Variants in MTCL2 observed in about 807,000 individuals in gnomAD.
MTCL2 encodes microtubule cross-linking factor 2.
the MTCL2 span, among the ~76,000 whole-genome samples, chr20:36,847,626 G>A: frequency 1.3e-5 from 2 of 152,202 alleles, no homozygotes; most frequent in Non-Finnish European, 1.5e-5. Flanking sequence ...GGCCAAAGAG[G>A]GAAGATCCCT....
chr20:36,786,645 G>GAGGGAGGC, the MTCL2 span: 12 of 1,547,386 alleles, frequency 7.8e-6, no homozygotes, highest in East Asian at 2.4e-4. Flanking sequence ...GTCCTAGGAA[G>GAGGGAGGC]AGGGAGGCAG....
the MTCL2 span, among the ~76,000 whole-genome samples, chr20:36,792,843 G>T: frequency 2.4e-3 from 316 of 130,260 alleles, 2 homozygotes; most frequent in African/African-American, 8.6e-3. Context: ...TATATAGATA[G>T]ATAGATAGAT....
the MTCL2 span, among the ~76,000 whole-genome samples, chr20:36,810,717 C>CCTCTCTCTCCCTCTCT: frequency 1.1e-5 from 1 of 94,194 alleles, no homozygotes; most frequent in Non-Finnish European, 2.1e-5. Flanking sequence ...TCTCTCTCTC[C>CCTCTCTCTCCCTCTCT]CTCTCTCTCT....
At chr20:36,784,362 C>T in the MTCL2 span, 1 of 985,778 alleles carries the variant, frequency 1.0e-6, no homozygotes, top group Non-Finnish European at 1.2e-6. Flanking sequence ...GTTCAGCCTG[C>T]AGGGAAGGGA....
the MTCL2 span, chr20:36,863,185 G>A: frequency 8.0e-7 from 1 of 1,257,454 alleles, no homozygotes; most frequent in Non-Finnish European, 1.0e-6. The surrounding 1 kb of genome is among the most constrained non-coding windows in gnomAD (Gnocchi z 6.2). Context: ...CCCGGGCCTG[G>A]GCCGCGGCGG....
At chr20:36,833,006 A>G in the MTCL2 span, among the ~76,000 whole-genome samples, 2 of 152,144 alleles carry the variant, frequency 1.3e-5, no homozygotes, top group Admixed American at 1.3e-4. Context: ...CCGGGTGCTC[A>G]CCACGTGCTT....
the MTCL2 span, among the ~76,000 whole-genome samples, chr20:36,857,277 ATG>A: frequency 6.6e-6 from 1 of 151,824 alleles, no homozygotes. Context: ...GTATATGAGA[ATG>A]TGTTTCTGAC....
the MTCL2 span, chr20:36,808,771 C>T: frequency 6.7e-5 from 103 of 1,545,382 alleles, no homozygotes; most frequent in Non-Finnish European, 8.4e-5. Context: ...CTTGAGCAAC[C>T]CCAGGGCCCT....
chr20:36,812,763 C>G, the MTCL2 span: 1 of 1,613,960 alleles, frequency 6.2e-7, no homozygotes, highest in Middle Eastern at 1.6e-4. Flanking sequence ...CGGCTGGGGT[C>G]GGGCTTAGAG....
chr20:36,862,928 C>G, the MTCL2 span: 1 of 1,364,598 alleles, frequency 7.3e-7, no homozygotes, highest in Non-Finnish European at 9.5e-7. Context: ...CGCTGCTCAG[C>G]GCCAGCTCCA....
chr20:36,846,989 G>A, the MTCL2 span, among the ~76,000 whole-genome samples: 2 of 152,208 alleles, frequency 1.3e-5, no homozygotes, highest in Non-Finnish European at 2.9e-5. Context: ...CAGCCTGGGC[G>A]ACAGAGACAG....
At chr20:36,842,774 A>G in the MTCL2 span, among the ~76,000 whole-genome samples, 1 of 152,084 alleles carries the variant, frequency 6.6e-6, no homozygotes, top group Non-Finnish European at 1.5e-5. Context: ...TCTGTCTCAC[A>G]AAATAAAAAA....
chr20:36,786,674 G>C, the MTCL2 span: 4 of 1,525,790 alleles, frequency 2.6e-6, no homozygotes, highest in East Asian at 9.8e-5. Context: ...GAAGTCAAGA[G>C]GAGCCAGGAG....
chr20:36,824,506 A>AG, the MTCL2 span, among the ~76,000 whole-genome samples: 1 of 151,866 alleles, frequency 6.6e-6, no homozygotes, highest in African/African-American at 2.4e-5. Flanking sequence ...CAAGAGGGAA[A>AG]GGGGGAGTGG....
the MTCL2 span, chr20:36,839,288 G>A: frequency 7.4e-6 from 12 of 1,611,886 alleles, no homozygotes; most frequent in Middle Eastern, 1.7e-4. This position sits in a 1 kb window ranked among gnomAD's most constrained non-coding sequence, Gnocchi z 5.1. Flanking sequence ...CGGAGACTGC[G>A]GCGCTCGGCT....
chr20:36,783,899 AC>A, the MTCL2 span: 4 of 985,360 alleles, frequency 4.1e-6, no homozygotes, highest in African/African-American at 7.0e-5. Context: ...AACATTTTCA[AC>A]CCCATCCAGC....
the MTCL2 span, chr20:36,783,849 G>A: frequency 2.0e-6 from 2 of 985,332 alleles, no homozygotes; most frequent in East Asian, 1.1e-4. Context: ...CAGTTACCAA[G>A]TAAAATGCTA....
the MTCL2 span, chr20:36,785,531 T>C: frequency 2.0e-6 from 2 of 985,304 alleles, no homozygotes; most frequent in Non-Finnish European, 2.4e-6. Flanking sequence ...CAAGAATCTC[T>C]TACTGGGAAT....
chr20:36,794,729 G>T, the MTCL2 span: 3 of 1,169,440 alleles, frequency 2.6e-6, no homozygotes, highest in African/African-American at 4.6e-5. The surrounding 1 kb of genome is among the most constrained non-coding windows in gnomAD (Gnocchi z 5.4). Context: ...CTCTTGTAGA[G>T]ATGTTGTTGG....
Sources: gnomAD v4.1 joint callset for allele counts (sites outside exome capture counted in the v4.1 genomes callset) on GRCh38, gnomAD v4.1.1 for gene constraint, Gnocchi (gnomAD v3.1) non-coding constraint, MANE v1.5 for transcripts, NCBI Gene and HGNC (gene_info 2026-07-23, HGNC 2026-07-21) for gene names.